The following RSRP1 variants were observed in gnomAD, a reference collection of about 807,000 sequenced individuals.
RSRP1 encodes arginine and serine rich protein 1, also known as arginine/serine-rich protein 1.
Under a neutral mutation model 33.0 loss-of-function variants are expected in RSRP1, and 37 were observed. The ratio of observed to expected loss-of-function variants is 1.12; its 90% CI spans 0.86 to 1.48. The LOEUF is 1.48. Ranked by LOEUF, RSRP1 falls within the 40% of genes most tolerant of loss-of-function variation. The probability of loss-of-function intolerance (pLI) is 0.00; values close to 1 mark genes in which losing one functional copy is unlikely to be tolerated. For synonymous variants in RSRP1, 167 were observed against 158.7 expected, an observed-to-expected ratio of 1.05 and a Z score of -0.40; for missense variants, 402 against 385.3, an observed-to-expected ratio of 1.04 and a Z score of -0.36.
Position 25,302,165 on chromosome 1 carries a change from G to A in RSRP1, c.-67+35813C>T, listed in dbSNP as rs547946041. On this transcript the variant is annotated intron_variant, in intron 1 of 1. Coordinates refer to the RSRP1 transcript ENST00000561867. Reference sequence around the variant, plus strand: ...TCTCAGTGGCCTCATCTGTAAAGTGGGAATTAAGAGATGGTGCATGTAAAG... The same window carrying A: ...TCTCAGTGGCCTCATCTGTAAAGTGAGAATTAAGAGATGGTGCATGTAAAG... Among the ~76,000 whole-genome samples, 1,074 of 131,322 alleles carry A rather than the reference G, an allele frequency of 8.2e-3. 160 individuals are homozygous for A. Among genetic ancestry groups the A allele is most frequent in the African/African-American group, 0.026 (987 of 37,930 alleles). 86.2% of individuals were successfully genotyped at this position (131,322 alleles called of 152,430 possible). A position where few individuals can be genotyped will look rare whatever the true frequency, so the allele number is the denominator to read the frequency against.
intron 1 of RSRP1, chr1:25,284,541 C>G (rs1379834947): frequency 7.2e-7 from 1 of 1,383,764 alleles, no homozygotes; most frequent in East Asian, 2.2e-5. Context: ...CTGCTTCCCC[C>G]TCGTCCTTCT....
chr1:25,337,978 C>G (rs1446309114), exon 1 of RSRP1: 2 of 152,236 alleles, frequency 1.3e-5, no homozygotes, highest in East Asian at 1.9e-4. Context: ...CTGAACCCAC[C>G]TTTTGCACCA....
intron 1 of RSRP1, among the ~76,000 whole-genome samples, chr1:25,255,510 A>G (rs1639918589): frequency 2.0e-5 from 3 of 152,218 alleles, no homozygotes; most frequent in Admixed American, 6.5e-5. Flanking sequence ...CTTATAGAGC[A>G]GCAGTCCCCA....
Position 25,303,141 on chromosome 1 carries a change from G to T in RSRP1, c.-67+34837C>A, listed in dbSNP as rs1372670508. On this transcript the variant is annotated intron_variant, in intron 1 of 1. Transcript: ENST00000561867. Reference sequence around the variant, plus strand: ...TGAGCCTAAGAGGCAGTAGTGAGCTGGCCCATCATGTCCACTGATGAAGGA... The same window carrying T: ...TGAGCCTAAGAGGCAGTAGTGAGCTTGCCCATCATGTCCACTGATGAAGGA... Among the ~76,000 whole-genome samples, 3 of 131,728 alleles carry T rather than the reference G, an allele frequency of 2.3e-5. 1 individual carries two copies. The highest frequency in any genetic ancestry group is 7.8e-5 in the African/African-American group (3 of 38,414). 86.4% of individuals were successfully genotyped at this position (131,728 alleles called of 152,430 possible).
At chr1:25,256,718 G>T (rs1639960401) in intron 1 of RSRP1, among the ~76,000 whole-genome samples, 1 of 152,052 alleles carries the variant, frequency 6.6e-6, no homozygotes, top group African/African-American at 2.4e-5. Flanking sequence ...TCCAGCCTTG[G>T]CCTCCCAGAA....
At chr1:25,287,651 C>T (rs1299322719) in intron 1 of RSRP1, among the ~76,000 whole-genome samples, 1 of 135,716 alleles carries the variant, frequency 7.4e-6, no homozygotes, top group East Asian at 1.9e-4. Context: ...TCCTCACATA[C>T]TGATAACTTA....
rs187394701 is a variant in RSRP1, at chr1:25,309,013, G to A, written c.-67+28965C>T. ...ATGACTGATGCTGCATCCGTATGAGGACATCTCTATGTAATGGAAAGATGG... is the reference window on the plus strand; with the variant it reads ...ATGACTGATGCTGCATCCGTATGAGAACATCTCTATGTAATGGAAAGATGG... On this transcript the variant is annotated intron_variant, in intron 1 of 1. Transcript: ENST00000561867. Among the ~76,000 whole-genome samples the A allele has an allele frequency of 4.8e-3, 635 of 132,112 alleles. 99 individuals are homozygous for A. Among genetic ancestry groups the A allele is most frequent in the African/African-American group, 0.015 (566 of 38,248 alleles). 86.7% of individuals were successfully genotyped at this position (132,112 alleles called of 152,430 possible).
chr1:25,245,358 A>G (rs2124534801), intron 2 of RSRP1, 57 bp from the exon 3 acceptor site: 1 of 1,530,474 alleles, frequency 6.5e-7, no homozygotes, highest in East Asian at 2.3e-5. Flanking sequence ...TTATTTCCCA[A>G]GAGAACTCAG....
chr1:25,329,147 T>G (rs1292458090), intron 1 of RSRP1: 1 of 1,081,022 alleles, frequency 9.3e-7, no homozygotes, highest in African/African-American at 1.5e-5. Context: ...AATACAGCCA[T>G]GTACCACATA....
At chr1:25,245,531 T>A (rs1383819524) in intron 2 of RSRP1, among the ~76,000 whole-genome samples, 1 of 152,156 alleles carries the variant, frequency 6.6e-6, no homozygotes, top group Non-Finnish European at 1.5e-5. Flanking sequence ...TACCACAGTG[T>A]TTGAGAGACT....
intron 1 of RSRP1, chr1:25,300,839 C>A: frequency 8.2e-7 from 1 of 1,216,012 alleles, no homozygotes; most frequent in East Asian, 2.3e-5. Flanking sequence ...CTCATGGCTT[C>A]AAGTCACACC....
chr1:25,321,277 A>G (rs13668), intron 1 of RSRP1, among the ~76,000 whole-genome samples: 9 of 123,542 alleles, frequency 7.3e-5, no homozygotes, highest in Non-Finnish European at 1.1e-4. Flanking sequence ...CTTTTACTCC[A>G]TCTGGGGAAG....
intron 1 of RSRP1, among the ~76,000 whole-genome samples, chr1:25,260,156 G>A (rs572872610): frequency 6.6e-6 from 1 of 152,182 alleles, no homozygotes; most frequent in Admixed American, 6.5e-5. Context: ...ACACCATTTA[G>A]TCACTGAATA....
At chr1:25,301,704 C>G (rs775406000) in intron 1 of RSRP1, 1 of 1,374,608 alleles carries the variant, frequency 7.3e-7, no homozygotes, top group Non-Finnish European at 1.0e-6. Flanking sequence ...GGGCGCTGCC[C>G]TTGGGCAGCA....
intron 4 of RSRP1, among the ~76,000 whole-genome samples, chr1:25,243,197 G>A (rs78964149): frequency 0.012 from 1,827 of 152,204 alleles, 36 homozygotes; most frequent in African/African-American, 0.042. Flanking sequence ...GGGAGACACT[G>A]GACATACACA....
At position 25,303,270 on chromosome 1, in the gene RSRP1, T is replaced by C. The variant is rs1643529413; in HGVS notation, c.-67+34708A>G. ...AGCGTGCTGGTCACTTGCAGCAAGATGGTGTTCTCTCTCTACCTTGCTTCC... is the reference window on the plus strand; with the variant it reads ...AGCGTGCTGGTCACTTGCAGCAAGACGGTGTTCTCTCTCTACCTTGCTTCC... On this transcript the variant is annotated intron_variant, in intron 1 of 1. Coordinates refer to the RSRP1 transcript ENST00000561867. 7 of 1,144,768 alleles carry C rather than the reference T, an allele frequency of 6.1e-6. 1 individual carries two copies. The highest frequency in any genetic ancestry group is 5.0e-5 in the South Asian group (4 of 79,368). The allele number at this position is 1,144,768 out of a possible 1,614,324, so 70.9% of individuals were successfully genotyped here.
chr1:25,266,319 C>A (rs1337387058), intron 1 of RSRP1, among the ~76,000 whole-genome samples: 2 of 130,010 alleles, frequency 1.5e-5, no homozygotes, highest in East Asian at 3.9e-4. Flanking sequence ...GAGTTAGTAT[C>A]TTTTCTCCCG....
intron 1 of RSRP1, among the ~76,000 whole-genome samples, chr1:25,287,468 G>A (rs1232679608): frequency 7.4e-6 from 1 of 135,064 alleles, no homozygotes; most frequent in African/African-American, 2.6e-5. Context: ...GCTCCTTCCT[G>A]ACCGGTTCCC....
intron 1 of RSRP1, among the ~76,000 whole-genome samples, chr1:25,309,959 T>C: frequency 7.5e-6 from 1 of 132,868 alleles, no homozygotes; most frequent in Non-Finnish European, 1.8e-5. Context: ...GTTTATCCTC[T>C]ATTCTGCCAC....
Sources: gnomAD v4.1 joint callset for allele counts (sites outside exome capture counted in the v4.1 genomes callset) on GRCh38, gnomAD v4.1.1 for gene constraint, MANE v1.5 for transcripts, NCBI Gene and HGNC (gene_info 2026-07-23, HGNC 2026-07-21) for gene names.